The following OGDH variants were observed in gnomAD, a reference collection of about 807,000 sequenced individuals.
OGDH encodes 2-oxoglutarate dehydrogenase complex component E1.
Under a neutral mutation model 116.6 loss-of-function variants are expected in OGDH, and 38 were observed. The observed-to-expected ratio is 0.33, with a 90% confidence interval of 0.25 to 0.43. OGDH has a LOEUF of 0.43. OGDH is among the 20% of genes least tolerant of loss of function. The probability of loss-of-function intolerance (pLI) is 1.00; values close to 1 mark genes in which losing one functional copy is unlikely to be tolerated. For synonymous variants in OGDH, 488 were observed against 533.3 expected, an observed-to-expected ratio of 0.92 and a Z score of 1.17; for missense variants, 825 against 1,357.2, an observed-to-expected ratio of 0.61 and a Z score of 6.16.
intron 4 of OGDH, among the ~76,000 whole-genome samples, chr7:44,648,413 T>C (rs1238962223): frequency 1.3e-5 from 2 of 152,094 alleles, no homozygotes; most frequent in Admixed American, 1.3e-4. Flanking sequence ...TGAAGTGAGG[T>C]GGGTGTTGTG....
intron 4 of OGDH, among the ~76,000 whole-genome samples, chr7:44,661,405 T>C (rs1348585260): frequency 1.3e-5 from 2 of 152,180 alleles, no homozygotes; most frequent in African/African-American, 4.8e-5. Flanking sequence ...TCCACTTTTC[T>C]CATAATCTCT....
intron 20 of OGDH, among the ~76,000 whole-genome samples, chr7:44,702,129 C>T (rs774265243): frequency 1.8e-4 from 28 of 151,898 alleles, no homozygotes; most frequent in Non-Finnish European, 3.4e-4. Flanking sequence ...CTTACATTCA[C>T]GTTGGTCAAA....
chr7:44,651,638 T>C (rs1416249623), intron 4 of OGDH, among the ~76,000 whole-genome samples: 4 of 152,182 alleles, frequency 2.6e-5, no homozygotes, highest in Non-Finnish European at 5.9e-5. Flanking sequence ...CTCGGCTCAC[T>C]GCACTCTCCG....
In OGDH at chr7:44,616,808, C is replaced by CATATATACACAT. The variant is rs1554296538; in HGVS notation, c.-27-7501_-27-7500insACATATATATAC. ...GCATATATATATGTGTATATATATG[C>CATATATACACAT]ATATATACGTATATATGTGTATATA... On this transcript the variant is annotated intron_variant, in intron 1 of 22. Transcript: ENST00000222673. Among the ~76,000 whole-genome samples, 25 of 136,080 alleles carry CATATATACACAT rather than the reference C, an allele frequency of 1.8e-4. No homozygotes were observed. The South Asian group carries it at 2.9e-3, about 16-fold the overall frequency. The allele number at this position is 136,080 out of a possible 152,430, so 89.3% of individuals were successfully genotyped here. A position where few individuals can be genotyped will look rare whatever the true frequency, so the allele number is the denominator to read the frequency against.
chr7:44,635,780 C>G (rs924962886), intron 2 of OGDH, among the ~76,000 whole-genome samples: 26 of 152,028 alleles, frequency 1.7e-4, no homozygotes, highest in African/African-American at 6.0e-4. Flanking sequence ...TCTCGGCCCA[C>G]TGCAACCTCC....
chr7:44,623,773 G>A (rs891868135), intron 1 of OGDH, among the ~76,000 whole-genome samples: 1 of 152,134 alleles, frequency 6.6e-6, no homozygotes, highest in South Asian at 2.1e-4. Flanking sequence ...AGCCTCCCAA[G>A]TATCTGGGTC....
chr7:44,653,718 G>A (rs1327747467), intron 4 of OGDH, among the ~76,000 whole-genome samples: 1 of 151,996 alleles, frequency 6.6e-6, no homozygotes, highest in African/African-American at 2.4e-5. Flanking sequence ...TAGAGACAGG[G>A]TTTTACCATG....
At chr7:44,638,349 CAT>C (rs1461238202) in intron 2 of OGDH, among the ~76,000 whole-genome samples, 1 of 152,190 alleles carries the variant, frequency 6.6e-6, no homozygotes, top group Non-Finnish European at 1.5e-5. Flanking sequence ...ACACTTACTT[CAT>C]AAAGAAACCA....
At chr7:44,667,403 A>C (rs1787231845) in intron 5 of OGDH, among the ~76,000 whole-genome samples, 2 of 152,162 alleles carry the variant, frequency 1.3e-5, no homozygotes, top group South Asian at 4.1e-4. Flanking sequence ...AGTCACTTCA[A>C]CCCTGAGGGA....
chr7:44,696,338 C>A, intron 13 of OGDH, 91 bp from the exon 14 acceptor site: 1 of 1,486,496 alleles, frequency 6.7e-7, no homozygotes, highest in Non-Finnish European at 9.2e-7. Context: ...TGTCTCTCAC[C>A]CTGCTTCTCC....
intron 1 of OGDH, among the ~76,000 whole-genome samples, chr7:44,606,919 G>A (rs938538829): frequency 1.3e-5 from 2 of 152,044 alleles, no homozygotes; most frequent in African/African-American, 4.8e-5. Flanking sequence ...CTCCGAGGTC[G>A]CGCGGGGCGC....
In OGDH at chr7:44,666,857, A is replaced by G; in HGVS notation, c.633+6A>G. On this transcript the variant is annotated splice_donor_region_variant and intron_variant, in intron 5 of 22. Coordinates refer to ENST00000222673, the MANE Select transcript of OGDH (RefSeq NM_002541.4). ...AGATCATCCGTCGGCTGGAGGTAAG[A>G]GCAGTTTCTGGAAAAATCTAATGGA... is the stretch of plus-strand genomic sequence containing the variant. 1.3e-6 allele frequency: 2 copies of G among 1,592,906 alleles called. No individual in the cohort carries two copies. Among genetic ancestry groups the G allele is most frequent in the South Asian group, 2.2e-5 (2 of 89,274 alleles).
intron 7 of OGDH, 26 bp from the exon 8 acceptor site, chr7:44,675,144 GGCTCTGCT>G: frequency 6.4e-7 from 1 of 1,574,528 alleles, no homozygotes; most frequent in African/African-American, 1.3e-5. Context: ...CATGACCTCA[GGCTCTGCT>G]CACCCTACTC....
At chr7:44,672,095 TA>T (rs534921257) in intron 5 of OGDH, among the ~76,000 whole-genome samples, 117 of 148,958 alleles carry the variant, frequency 7.9e-4, no homozygotes, top group East Asian at 6.0e-3. Context: ...ATTAATTAAT[TA>T]AAAAAAAAAC....
At chr7:44,639,868 G>C (rs1785850293) in intron 2 of OGDH, among the ~76,000 whole-genome samples, 1 of 152,216 alleles carries the variant, frequency 6.6e-6, no homozygotes, top group Non-Finnish European at 1.5e-5. Flanking sequence ...TTCCTTCCCG[G>C]GGATTCCCAG....
intron 5 of OGDH, among the ~76,000 whole-genome samples, chr7:44,673,434 A>G (rs1166148597): frequency 6.6e-6 from 1 of 152,224 alleles, no homozygotes; most frequent in East Asian, 1.9e-4. Flanking sequence ...GACCTTGATG[A>G]CAGCCTGTCT....
chr7:44,688,137 G>A (rs567327369), intron 10 of OGDH, among the ~76,000 whole-genome samples: 162 of 152,154 alleles, frequency 1.1e-3, no homozygotes, highest in African/African-American at 3.7e-3. Context: ...TTGGGAGGCC[G>A]AGGCAGGTGG....
chr7:44,698,073 C>T lies in OGDH; in HGVS notation c.2359-119C>T, dbSNP rs565816565. ...CTGGTGGGAGGGGGAAGGAACTGAACCCTGCCATCAAGAAAAAAGATAACC... is the reference window on the plus strand; with the variant it reads ...CTGGTGGGAGGGGGAAGGAACTGAATCCTGCCATCAAGAAAAAAGATAACC... On this transcript the variant is annotated intron_variant, in intron 17 of 22. Coordinates refer to ENST00000222673, the MANE Select transcript of OGDH (RefSeq NM_002541.4). 755 of 1,180,460 alleles carry T rather than the reference C, an allele frequency of 6.4e-4. 2 individuals carry two copies. Among genetic ancestry groups the T allele is most frequent in the South Asian group, 1.4e-3 (107 of 74,716 alleles). The allele number at this position is 1,180,460 out of a possible 1,614,324, so 73.1% of individuals were successfully genotyped here. A position where few individuals can be genotyped will look rare whatever the true frequency, so the allele number is the denominator to read the frequency against.
chr7:44,689,213 T>C lies in OGDH; in HGVS notation c.1336-4612T>C, dbSNP rs1329782498. 3.3e-5 allele frequency among the ~76,000 whole-genome samples: 4 copies of C among 122,864 alleles called. No homozygotes were observed. In the East Asian group the frequency reaches 9.7e-4, roughly 30 times the overall value. 80.6% of individuals were successfully genotyped at this position (122,864 alleles called of 152,430 possible). A position where few individuals can be genotyped will look rare whatever the true frequency, so the allele number is the denominator to read the frequency against. On this transcript the variant is annotated intron_variant, in intron 10 of 22. Transcript: ENST00000222673. ...CTGGAAATATATCAGGGTTCCTTTT[T>C]TTTTTTTTTTTTTTTTTTTTGAGAC...
Sources: gnomAD v4.1 joint callset for allele counts (sites outside exome capture counted in the v4.1 genomes callset) on GRCh38, gnomAD v4.1.1 for gene constraint, MANE v1.5 for transcripts, NCBI Gene and HGNC (gene_info 2026-07-23, HGNC 2026-07-21) for gene names.